Variants in TTF1 observed in about 807,000 individuals in gnomAD.
The protein encoded by TTF1 is transcription termination factor, RNA polymerase I.
Under a neutral mutation model 80.2 loss-of-function variants are expected in TTF1, and 64 were observed. That is an observed-to-expected ratio of 0.80 (90% CI 0.65 to 0.98). The LOEUF (loss-of-function observed/expected upper bound fraction) is 0.98. Among genes scored for constraint, TTF1 ranks in the 50% least tolerant of loss-of-function variants. The probability of loss-of-function intolerance (pLI) is 0.00; values close to 1 mark genes in which losing one functional copy is unlikely to be tolerated. For missense variants in TTF1, 1,023 were observed against 1,086.2 expected (o/e 0.94, Z 0.82); for synonymous variants, 372 against 382.7 (o/e 0.97, Z 0.33).
chr9:132,393,384 C>A (rs1849594798), intron 5 of TTF1, among the ~76,000 whole-genome samples: 1 of 152,160 alleles, frequency 6.6e-6, no homozygotes, highest in South Asian at 2.1e-4. Context: ...GCAAGGAACA[C>A]CGGGCCCACC....
intron 7 of TTF1, among the ~76,000 whole-genome samples, chr9:132,389,701 G>A (rs1242229331): frequency 1.3e-5 from 2 of 152,182 alleles, no homozygotes; most frequent in East Asian, 1.9e-4. Flanking sequence ...GGGGGGTCAT[G>A]AGCATGCAGA....
chr9:132,401,537 T>C lies in TTF1; in HGVS notation c.1285A>G (p.Met429Val), dbSNP rs759602245. 3.1e-6 allele frequency: 5 copies of C among 1,614,134 alleles called. No homozygotes were observed. The highest frequency in any genetic ancestry group is 2.7e-5 in the African/African-American group (2 of 75,014). ...GGCCTAGATTTCACACCTTCTTCCA[T>C]CATGGCGCCATCACCTTCTACTGAA... is the stretch of plus-strand genomic sequence containing the variant. The part of the protein sequence containing the change: ...FDSVEGDGAM[M>V]EEGVKSRPRQ... The change falls in exon 2 of 11, where the codon ATG becomes GTG. Residue 429 changes from methionine to valine, a missense_variant. Coordinates refer to ENST00000334270, the MANE Select transcript of TTF1 (RefSeq NM_007344.4).
At chr9:132,406,689 A>G (rs1849874863) in intron 1 of TTF1, 101 bp downstream of exon 1, 1 of 151,972 alleles carries the variant, frequency 6.6e-6, no homozygotes. Flanking sequence ...CCTCAGGCCA[A>G]AAGGCGGGTC....
rs1564181152 is a variant in TTF1 at position 132,377,491 on chromosome 9, T to TGTGTGAATGCATGTG, written c.2465-1324_2465-1323insCACATGCATTCACAC. ...GTGGTGTGTGTGAATGCATGTGGTGTGTGTGAGTGCATGCATGTGGTGTGA... is the reference window on the plus strand; with the variant it reads ...GTGGTGTGTGTGAATGCATGTGGTGTGTGTGAATGCATGTGGTGTGAGTGCATGCATGTGGTGTGA... On this transcript the variant is annotated intron_variant, in intron 10 of 10. Coordinates refer to ENST00000334270, the MANE Select transcript of TTF1 (RefSeq NM_007344.4). 8.9e-3 allele frequency among the ~76,000 whole-genome samples: 106 copies of TGTGTGAATGCATGTG among 11,900 alleles called. 8 individuals are homozygous for TGTGTGAATGCATGTG. Among genetic ancestry groups the TGTGTGAATGCATGTG allele is most frequent in the Admixed American group, 0.027 (18 of 676 alleles). 7.8% of individuals were successfully genotyped at this position (11,900 alleles called of 152,430 possible).
intron 3 of TTF1, 35 bp from the exon 4 acceptor site, chr9:132,398,361 T>C (rs1251772424): frequency 2.0e-6 from 3 of 1,473,650 alleles, no homozygotes; most frequent in East Asian, 5.0e-5. Flanking sequence ...AAAGTGTGTA[T>C]TGTTAATAAT....
rs1452089158 is a variant in TTF1, at chr9:132,392,215, A to G, written c.1857-9T>C. On this transcript the variant is annotated splice_polypyrimidine_tract_variant and intron_variant, in intron 5 of 10. Coordinates refer to ENST00000334270, the MANE Select transcript of TTF1 (RefSeq NM_007344.4). ...TATCTCCTTCGCTATACCTAGGAGA[A>G]AGGGAAAATGTTTTACAAGTTTAAA... is the stretch of plus-strand genomic sequence containing the variant. 6.2e-7 allele frequency: 1 copy of G among 1,613,998 alleles called. No individual in the cohort carries two copies. Among genetic ancestry groups the G allele is most frequent in the South Asian group, 1.1e-5 (1 of 91,060 alleles).
intron 8 of TTF1, 68 bp downstream of exon 8, chr9:132,388,071 T>C: frequency 3.9e-6 from 5 of 1,288,056 alleles, no homozygotes; most frequent in Non-Finnish European, 4.4e-6. Flanking sequence ...CAGACTCTGC[T>C]GGGTTAACAA....
chr9:132,376,982 T>C (rs1474734951), intron 10 of TTF1, among the ~76,000 whole-genome samples: 1 of 152,200 alleles, frequency 6.6e-6, no homozygotes, highest in Non-Finnish European at 1.5e-5. Flanking sequence ...GCCAGAAATT[T>C]GTGTTTTTAA....
rs1164393480 is a variant in TTF1, at chr9:132,402,306, C to A, written c.516G>T (p.Gln172His). ...KVREKKNKKH[Q>H]RKAASWESQR... ...GGCTCTCCCAGGATGCAGCTTTCCTCTGATGCTTTTTATTCTTTTTCTCCC... is the reference window on the plus strand; with the variant it reads ...GGCTCTCCCAGGATGCAGCTTTCCTATGATGCTTTTTATTCTTTTTCTCCC... Residue 172 changes from glutamine (Q) to histidine (H), a missense_variant, in exon 2 of 11, where the codon CAG becomes CAT. By Grantham distance (24) the Gln-to-His change is conservative. Coordinates refer to ENST00000334270, the MANE Select transcript of TTF1 (RefSeq NM_007344.4). 1.2e-6 allele frequency: 2 copies of A among 1,614,116 alleles called. No homozygotes were observed. Among genetic ancestry groups the A allele is most frequent in the South Asian group, 2.2e-5 (2 of 91,084 alleles).
In TTF1 at chr9:132,400,258, C is replaced by A; in HGVS notation, c.1368G>T (p.Arg456Ser). ...TGTGTTCTTCATTTGCAGGTTCTAA[C>A]CTAAGGGGTTAGAAAATTGGGTTGA... is the stretch of plus-strand genomic sequence containing the variant. The part of the protein sequence containing the change: ...LASKHVQEAP[R>S]LEPANEEHNV... The change falls in exon 3 of 11, where the codon AGG (arginine) becomes AGT (serine). Residue 456 changes from arginine to serine, a missense_variant and splice_region_variant. Transcript: ENST00000334270. The A allele has an allele frequency of 6.2e-7, 1 of 1,613,934 alleles. No homozygotes were observed. The highest frequency in any genetic ancestry group is 8.5e-7 in the Non-Finnish European group (1 of 1,179,860).
chr9:132,402,300 T>C lies in TTF1; in HGVS notation c.522A>G (p.Lys174=). The stretch of plus-strand genomic sequence containing the variant: ...CCCGCTGGCTCTCCCAGGATGCAGC[T>C]TTCCTCTGATGCTTTTTATTCTTTT... ...REKKNKKHQR[K]AASWESQRAR... The change falls in exon 2 of 11, where the codon AAA becomes AAG. Residue 174 remains lysine (K), a synonymous_variant. Coordinates refer to ENST00000334270, the MANE Select transcript of TTF1 (RefSeq NM_007344.4). 1 of 1,614,138 alleles carries C rather than the reference T, an allele frequency of 6.2e-7. No homozygotes were observed. The highest frequency in any genetic ancestry group is 2.2e-5 in the East Asian group (1 of 44,886).
intron 5 of TTF1, among the ~76,000 whole-genome samples, chr9:132,392,628 A>T (rs1179165750): frequency 6.6e-6 from 1 of 152,184 alleles, no homozygotes; most frequent in Non-Finnish European, 1.5e-5. Flanking sequence ...TCTCTTCCAT[A>T]GCACTGGTCA....
At position 132,390,797 on chromosome 9, in the gene TTF1, G is replaced by C. The variant is rs1849546930; in HGVS notation, c.2022C>G (p.Thr674=). The change falls in exon 7 of 11, where the codon ACC becomes ACG. Residue 674 remains threonine (T), a synonymous_variant. Coordinates refer to ENST00000334270, the MANE Select transcript of TTF1 (RefSeq NM_007344.4). ...CTTCGACAGCCTTGATTAGTTTCCGGGTTTCAGACTTACTCCAAGCACCAC... is the reference window on the plus strand; with the variant it reads ...CTTCGACAGCCTTGATTAGTTTCCGCGTTTCAGACTTACTCCAAGCACCAC... ...RNRGAWSKSE[T]RKLIKAVEEV... 2 of 1,613,992 alleles carry C rather than the reference G, an allele frequency of 1.2e-6. No homozygotes were observed. Among genetic ancestry groups the C allele is most frequent in the African/African-American group, 1.3e-5 (1 of 74,944 alleles).
At chr9:132,391,315 A>G (rs1849554230) in intron 6 of TTF1, among the ~76,000 whole-genome samples, 1 of 152,198 alleles carries the variant, frequency 6.6e-6, no homozygotes, top group Admixed American at 6.5e-5. Context: ...GCCCCAAAGT[A>G]TCAACGGTTC....
rs1304637571 is a variant in TTF1, at chr9:132,398,345, A to G, written c.1592-19T>C. 1.3e-6 allele frequency: 2 copies of G among 1,586,082 alleles called. No individual in the cohort carries two copies. Among genetic ancestry groups the G allele is most frequent in the Admixed American group, 1.9e-5 (1 of 51,978 alleles). On this transcript the variant is annotated intron_variant, in intron 3 of 10. Coordinates refer to ENST00000334270, the MANE Select transcript of TTF1 (RefSeq NM_007344.4). ...GCGACACCTAGAATTGGGAAGGAAC[A>G]GGGAGAAAGTGTGTATTGTTAATAA...
chr9:132,380,968 G>A (rs995234650), intron 9 of TTF1, among the ~76,000 whole-genome samples: 2 of 152,088 alleles, frequency 1.3e-5, no homozygotes, highest in African/African-American at 2.4e-5. Context: ...CTGGAATGCA[G>A]TGGCGTGATC....
rs962867700 is a variant in TTF1 at position 132,390,736 on chromosome 9, T to G, written c.2083A>C (p.Lys695Gln). 1.2e-6 allele frequency: 2 copies of G among 1,614,234 alleles called. No homozygotes were observed. The highest frequency in any genetic ancestry group is 1.7e-6 in the Non-Finnish European group (2 of 1,180,042). ...TCTTGGAGTTTGGAATCCACCTCTT[T>G]TAACTCCTGGGGAGACATCTTCTTC... Reference protein sequence around the residue: ...ILKKMSPQELKEVDSKLQENP... With the variant: ...ILKKMSPQELQEVDSKLQENP... Residue 695 changes from lysine (K) to glutamine (Q), a missense_variant, in exon 7 of 11, where the codon AAA (lysine) becomes CAA (glutamine). Transcript: ENST00000334270.
At chr9:132,377,806 GGTGTGAGTGCATGTGGTGT>G (rs1849249651) in intron 10 of TTF1, among the ~76,000 whole-genome samples, 1 of 119,560 alleles carries the variant, frequency 8.4e-6, no homozygotes, top group African/African-American at 3.2e-5. Context: ...GTGTGCATGT[GGTGTGAGTGCATGTGGTGT>G]GTGTGAATGC....
At chr9:132,377,698 C>A (rs1235477240) in intron 10 of TTF1, among the ~76,000 whole-genome samples, 56 of 54,502 alleles carry the variant, frequency 1.0e-3, no homozygotes, top group East Asian at 2.6e-3. Flanking sequence ...GGTGTGAGTG[C>A]ATGTGGTGTG....
Sources: gnomAD v4.1 joint callset for allele counts (sites outside exome capture counted in the v4.1 genomes callset) on GRCh38, gnomAD v4.1.1 for gene constraint, MANE v1.5 for transcripts, NCBI Gene and HGNC (gene_info 2026-07-23, HGNC 2026-07-21) for gene names.